Variants in RIOK3 observed in about 807,000 individuals in gnomAD.
The protein encoded by RIOK3 is serine/threonine-protein kinase RIO3.
In RIOK3, 40 loss-of-function variants were observed where a neutral mutation model predicts 63.5. The ratio of observed to expected loss-of-function variants is 0.63; its 90% confidence interval spans 0.49 to 0.82. The LOEUF is 0.82. RIOK3 is among the 40% of genes least tolerant of loss of function. RIOK3 has a pLI of 0.00. For missense variants in RIOK3, 557 were observed against 637.0 expected (o/e 0.87, Z 1.35); for synonymous variants, 193 against 205.0 (o/e 0.94, Z 0.50).
At chr18:23,464,784 C>T (rs916343140) in intron 5 of RIOK3, among the ~76,000 whole-genome samples, 156 bp downstream of exon 5, 7 of 152,138 alleles carry the variant, frequency 4.6e-5, no homozygotes, top group African/African-American at 1.7e-4. Context: ...GAAACTGAGA[C>T]ATTAATGAAA....
At chr18:23,480,716 G>T (rs2057528070) in intron 12 of RIOK3, among the ~76,000 whole-genome samples, 1 of 152,158 alleles carries the variant, frequency 6.6e-6, no homozygotes, top group African/African-American at 2.4e-5. Context: ...CACTTTGGGA[G>T]GCCAAGGAGG....
chr18:23,465,217 C>T (rs2145680058), intron 5 of RIOK3, among the ~76,000 whole-genome samples: 1 of 152,028 alleles, frequency 6.6e-6, no homozygotes, highest in Non-Finnish European at 1.5e-5. Context: ...ACTAAAAATA[C>T]AAAATTAGCC....
chr18:23,473,281 T>G, intron 7 of RIOK3, 148 bp from the exon 8 acceptor site: 1 of 528,542 alleles, frequency 1.9e-6, no homozygotes, highest in South Asian at 2.9e-5. Flanking sequence ...AAGGCTTTAT[T>G]AAGATCCAAA....
chr18:23,464,713 G>T, intron 5 of RIOK3, 85 bp downstream of exon 5: 1 of 668,476 alleles, frequency 1.5e-6, no homozygotes, highest in Non-Finnish European at 2.4e-6. Flanking sequence ...TAATACCTTA[G>T]ATTTCTAAAA....
chr18:23,481,173 T>C lies in RIOK3; in HGVS notation c.1454T>C (p.Ile485Thr), dbSNP rs758592012. The C allele has an allele frequency of 6.3e-7, 1 of 1,595,508 alleles. No homozygotes were observed. Among genetic ancestry groups the C allele is most frequent in the Non-Finnish European group, 8.6e-7 (1 of 1,163,578 alleles). Residue 485 changes from isoleucine to threonine, a missense_variant and splice_region_variant, in exon 13 of 13, where the codon ATA becomes ACA. By Grantham distance (89) the Ile-to-Thr change is moderately conservative. Transcript: ENST00000339486. ...GGATTCAATGTATTATTTTTGTAGA[T>C]AGAAGCTTTGGAGAAAATGAATGAA... The part of the protein sequence containing the change: ...ADNEADFLAE[I>T]EALEKMNEDH...
chr18:23,458,258 TA>T (rs924017572), intron 1 of RIOK3, among the ~76,000 whole-genome samples: 2 of 151,432 alleles, frequency 1.3e-5, no homozygotes, highest in East Asian at 3.9e-4. Flanking sequence ...AGGAAACCTT[TA>T]AAAAAAATGA....
At chr18:23,473,377 G>T in intron 7 of RIOK3, 52 bp from the exon 8 acceptor site, 1 of 1,061,276 alleles carries the variant, frequency 9.4e-7, no homozygotes, top group Non-Finnish European at 1.4e-6. Flanking sequence ...TGAAATTGTT[G>T]TACTTGTGAG....
chr18:23,459,011 T>A (rs2057357938), intron 1 of RIOK3, among the ~76,000 whole-genome samples: 1 of 152,176 alleles, frequency 6.6e-6, no homozygotes. Flanking sequence ...GGTAGTATAG[T>A]CTCTAGAGTC....
Position 23,474,992 on chromosome 18 carries a change from A to C in RIOK3, c.1058A>C (p.Lys353Thr), listed in dbSNP as rs1368232089. Residue 353 changes from lysine to threonine, a missense_variant, in exon 9 of 13, where the codon AAG (lysine) becomes ACG (threonine). Lys to Thr is a moderately conservative substitution (Grantham distance 78). Coordinates refer to ENST00000339486, the MANE Select transcript of RIOK3 (RefSeq NM_003831.5). ...CCTTGTCCAACAGTTGTACTACTGA[A>C]GAAACACATTTTAGTTATGTCTTTT... ...GIPCPTVVLL[K>T]KHILVMSFIG... is the part of the protein sequence containing the mutation. The C allele has an allele frequency of 6.2e-7, 1 of 1,612,064 alleles. No homozygotes were observed. The highest frequency in any genetic ancestry group is 1.7e-5 in the Admixed American group (1 of 60,002).
In RIOK3 at chr18:23,480,553, A is replaced by ACG. The variant is rs1306124747; in HGVS notation, c.1453-617_1453-616dup. ...TGACTATTTGTGTATACTTGGATGC[A>ACG]CGCACACACACACACACACACACAC... is the stretch of plus-strand genomic sequence containing the variant. On this transcript the variant is annotated intron_variant, in intron 12 of 12. Coordinates refer to ENST00000339486, the MANE Select transcript of RIOK3 (RefSeq NM_003831.5). Among the ~76,000 whole-genome samples, 361 of 121,106 alleles carry ACG rather than the reference A, an allele frequency of 3.0e-3. 2 individuals are homozygous for ACG. Among genetic ancestry groups the ACG allele is most frequent in the East Asian group, 0.02 (93 of 4,660 alleles). The allele number at this position is 121,106 out of a possible 152,430, so 79.5% of individuals were successfully genotyped here.
At chr18:23,460,336 G>A (rs964791779) in intron 1 of RIOK3, among the ~76,000 whole-genome samples, 1 of 152,178 alleles carries the variant, frequency 6.6e-6, no homozygotes, top group Non-Finnish European at 1.5e-5. Context: ...AGTCAGTAGG[G>A]CAGTTTGCTT....
intron 7 of RIOK3, among the ~76,000 whole-genome samples, chr18:23,471,910 C>T (rs938926703): frequency 3.3e-5 from 5 of 152,074 alleles, no homozygotes; most frequent in Admixed American, 2.0e-4. Context: ...GCCTGAAGTT[C>T]TAGGGAAAGT....
At chr18:23,463,672 G>C (rs1225081145) in intron 2 of RIOK3, among the ~76,000 whole-genome samples, 2 of 152,110 alleles carry the variant, frequency 1.3e-5, no homozygotes, top group East Asian at 3.8e-4. Context: ...GCCTCCCAAA[G>C]TGCTGGGATT....
chr18:23,470,621 A>G (rs1178924235), intron 7 of RIOK3, among the ~76,000 whole-genome samples: 1 of 152,182 alleles, frequency 6.6e-6, no homozygotes, highest in East Asian at 1.9e-4. Flanking sequence ...ATTCTTTAAG[A>G]AAAAGGCTAA....
intron 11 of RIOK3, among the ~76,000 whole-genome samples, chr18:23,478,644 T>TATATATATATATACC (rs2057510534): frequency 3.3e-5 from 1 of 30,076 alleles, no homozygotes; most frequent in South Asian, 1.2e-3. Flanking sequence ...TATATATATA[T>TATATATATATATACC]ATATATATAT....
chr18:23,473,568 C>T lies in RIOK3; in HGVS notation c.955C>T (p.Leu319=), dbSNP rs1249198772. 1.2e-6 allele frequency: 2 copies of T among 1,613,602 alleles called. No individual in the cohort carries two copies. Among genetic ancestry groups the T allele is most frequent in the Non-Finnish European group, 1.7e-6 (2 of 1,179,742 alleles). Residue 319 remains leucine, a synonymous_variant, in exon 8 of 13, where the codon CTA becomes TTA. Transcript: ENST00000339486. ...DFRFKDRFSK[L]NPRKIIRMWA... is the part of the protein sequence containing the mutation. ...CAGGTTTAAAGATCGCTTCAGTAAA[C>T]TAAATCCACGTAAGATCATCCGCAT...
intron 1 of RIOK3, among the ~76,000 whole-genome samples, chr18:23,454,045 C>T (rs2057322303): frequency 6.6e-6 from 1 of 152,220 alleles, no homozygotes; most frequent in African/African-American, 2.4e-5. Flanking sequence ...TTATGAATTT[C>T]ATTATCTGCC....
chr18:23,477,422 A>G (rs1173718095), intron 11 of RIOK3, among the ~76,000 whole-genome samples, 154 bp downstream of exon 11: 1 of 152,210 alleles, frequency 6.6e-6, no homozygotes, highest in Non-Finnish European at 1.5e-5. Flanking sequence ...TCAATTTGTC[A>G]TATTTCATTT....
At chr18:23,467,584 T>C (rs754541537) in intron 7 of RIOK3, 58 bp downstream of exon 7, 4 of 1,507,426 alleles carry the variant, frequency 2.7e-6, no homozygotes, top group Non-Finnish European at 3.7e-6. Context: ...TCCCCAAGAT[T>C]AATGAATTTA....
Sources: allele counts gnomAD v4.1 joint callset (sites outside exome capture counted in the v4.1 genomes callset), GRCh38; gene constraint gnomAD v4.1.1; transcripts MANE v1.5; gene names NCBI Gene and HGNC (gene_info 2026-07-23, HGNC 2026-07-21).